Variants in NRG1 observed in about 807,000 individuals in gnomAD.
The protein encoded by NRG1 is neuregulin 1.
A neutral mutation model predicts 63.8 loss-of-function variants in NRG1; 18 were observed. The ratio of observed to expected loss-of-function variants is 0.28; its 90% CI spans 0.19 to 0.42. The LOEUF (loss-of-function observed/expected upper bound fraction) is 0.42, where lower values mean the gene tolerates loss of function less well. NRG1 is among the 10% of genes least tolerant of loss of function. The pLI, the probability that NRG1 is intolerant of heterozygous loss-of-function variation, is 1.00. For missense variants in NRG1, 762 were observed against 814.7 expected, an observed-to-expected ratio of 0.94 and a Z score of 0.79; for synonymous variants, 302 against 301.3, an observed-to-expected ratio of 1.00 and a Z score of -0.02.
At chr8:31,667,288 G>A (rs1048653992) in intron 1 of NRG1, among the ~76,000 whole-genome samples, 2 of 152,214 alleles carry the variant, frequency 1.3e-5, no homozygotes, top group African/African-American at 4.8e-5. Flanking sequence ...TAATACAGAA[G>A]ATGGATAAGC....
chr8:31,983,343 T>A (rs1809492858), intron 1 of NRG1, among the ~76,000 whole-genome samples: 1 of 152,052 alleles, frequency 6.6e-6, no homozygotes, highest in African/African-American at 2.4e-5. Flanking sequence ...GTCCATGAAA[T>A]TAAATTCCTG....
chr8:32,017,978 T>G (rs1343747287), intron 1 of NRG1, among the ~76,000 whole-genome samples: 4 of 152,198 alleles, frequency 2.6e-5, no homozygotes, highest in Non-Finnish European at 4.4e-5. Flanking sequence ...CTTGGTCATC[T>G]TTTGGTGACC....
chr8:32,767,109 A>AC, exon 12 of NRG1: 1 of 152,238 alleles, frequency 6.6e-6, no homozygotes, highest in South Asian at 2.1e-4. Context: ...CTTTTGTTTC[A>AC]CCTAAGATTC....
At chr8:32,119,981 G>T (rs940445434) in intron 1 of NRG1, among the ~76,000 whole-genome samples, 2 of 151,918 alleles carry the variant, frequency 1.3e-5, no homozygotes, top group South Asian at 2.1e-4. Context: ...TCCTATTCTT[G>T]TTTTTTTCTA....
chr8:31,729,270 C>T (rs953990172), intron 1 of NRG1, among the ~76,000 whole-genome samples: 8 of 151,108 alleles, frequency 5.3e-5, no homozygotes, highest in Middle Eastern at 3.4e-3. Flanking sequence ...TGCTACTTTG[C>T]AGGAAGGTCA....
At chr8:32,734,190 A>T (rs1038215871) in intron 6 of NRG1, among the ~76,000 whole-genome samples, 1 of 152,206 alleles carries the variant, frequency 6.6e-6, no homozygotes, top group African/African-American at 2.4e-5. Context: ...AAAGTCAAAG[A>T]CATCAAAGGC....
intron 1 of NRG1, 138 bp from the exon 2 acceptor site, chr8:32,595,690 C>T: frequency 3.1e-6 from 2 of 635,072 alleles, no homozygotes; most frequent in Non-Finnish European, 4.9e-6. Flanking sequence ...TTCGCTCATC[C>T]ATTTTGAAAT....
intron 1 of NRG1, among the ~76,000 whole-genome samples, chr8:31,991,357 C>A (rs1366603428): frequency 6.6e-6 from 1 of 151,590 alleles, no homozygotes; most frequent in African/African-American, 2.4e-5. Flanking sequence ...TATTTTTCTT[C>A]TTTCTTTCCT....
chr8:32,325,684 A>G (rs1056198557), intron 1 of NRG1, among the ~76,000 whole-genome samples: 3 of 152,134 alleles, frequency 2.0e-5, no homozygotes, highest in Admixed American at 1.3e-4. Flanking sequence ...GCCTATTTGT[A>G]TAATTTTGAA....
chr8:31,891,268 A>G (rs115273379), intron 1 of NRG1, among the ~76,000 whole-genome samples: 5 of 152,182 alleles, frequency 3.3e-5, no homozygotes, highest in Non-Finnish European at 7.4e-5. Flanking sequence ...TAGGACTAGT[A>G]ACTCAAAAGT....
intron 5 of NRG1, among the ~76,000 whole-genome samples, chr8:32,707,393 G>GA (rs1163604355): frequency 1.3e-5 from 2 of 151,972 alleles, no homozygotes; most frequent in Admixed American, 6.6e-5. Flanking sequence ...GATATGAGGG[G>GA]AAAAAAGTCA....
chr8:32,763,382 C>T, intron 11 of NRG1: 1 of 1,609,478 alleles, frequency 6.2e-7, no homozygotes, highest in Non-Finnish European at 8.5e-7. Context: ...AGTAATACTT[C>T]TTTCCCTTCC....
chr8:32,662,312 G>A (rs114229745), intron 5 of NRG1, among the ~76,000 whole-genome samples: 78 of 152,334 alleles, frequency 5.1e-4, no homozygotes, highest in Middle Eastern at 3.4e-3. Flanking sequence ...AGGCCTTACT[G>A]CCCAGGCAGA....
chr8:32,047,652 A>T (rs1000329860), intron 1 of NRG1, among the ~76,000 whole-genome samples: 1 of 152,024 alleles, frequency 6.6e-6, no homozygotes, highest in African/African-American at 2.4e-5. Flanking sequence ...TAATTGACAA[A>T]ATAAATTTTA....
At chr8:32,222,706 G>T (rs1845947436) in intron 1 of NRG1, among the ~76,000 whole-genome samples, 1 of 152,078 alleles carries the variant, frequency 6.6e-6, no homozygotes, top group Non-Finnish European at 1.5e-5. Flanking sequence ...ATCACATGTG[G>T]CTCTCAGAGC....
chr8:32,450,229 G>C (rs1820786004), intron 1 of NRG1, among the ~76,000 whole-genome samples: 1 of 152,118 alleles, frequency 6.6e-6, no homozygotes, highest in African/African-American at 2.4e-5. Context: ...ACAACCCTGT[G>C]AGTGCAGGTT....
intron 1 of NRG1, among the ~76,000 whole-genome samples, chr8:32,146,915 T>C (rs1836926480): frequency 6.6e-6 from 1 of 152,246 alleles, no homozygotes; most frequent in African/African-American, 2.4e-5. Context: ...GAAAAGGGTA[T>C]GTACCCAAGA....
chr8:32,409,473 A>G (rs73675178), intron 1 of NRG1, among the ~76,000 whole-genome samples: 2 of 152,226 alleles, frequency 1.3e-5, no homozygotes, highest in Non-Finnish European at 2.9e-5. Flanking sequence ...AACACTCAAC[A>G]TACAGGATGG....
intron 5 of NRG1, among the ~76,000 whole-genome samples, chr8:32,688,713 T>G (rs942762413): frequency 6.6e-6 from 1 of 152,204 alleles, no homozygotes; most frequent in Non-Finnish European, 1.5e-5. Context: ...GTGACTTTTT[T>G]TCAACAATTA....
Sources: allele counts gnomAD v4.1 joint callset (sites outside exome capture counted in the v4.1 genomes callset), GRCh38; gene constraint gnomAD v4.1.1; transcripts MANE v1.5; gene names NCBI Gene and HGNC (gene_info 2026-07-23, HGNC 2026-07-21).